Variants in ABCA4 observed in about 807,000 individuals in gnomAD.
The protein encoded by ABCA4 is ATP binding cassette subfamily A member 4.
A neutral mutation model predicts 263.7 loss-of-function variants in ABCA4; 196 were observed. That is an observed-to-expected ratio of 0.74 (90% confidence interval 0.66 to 0.84). The LOEUF is 0.84. Among genes scored for constraint, ABCA4 ranks in the 40% least tolerant of loss-of-function variants. The pLI is 0.00. For synonymous variants in ABCA4, 1,133 were observed against 1,094.2 expected (o/e 1.04, Z -0.70); for missense variants, 2,792 against 2,855.1 (o/e 0.98, Z 0.50).
Position 94,062,689 on chromosome 1 carries a change from C to A in ABCA4, c.1825G>T (p.Ala609Ser). The change falls in exon 13 of 50, where the codon GCC (alanine) becomes TCC (serine). Residue 609 changes from alanine to serine, a missense_variant. Ala to Ser is a moderately conservative substitution (Grantham distance 99). Transcript: ENST00000370225. ...TGTTCAACCATGTCCTGCAGATAGG[C>A]AAACCCGCCCCAGATGTACCGGAAA... ...EDFRYIWGGF[A>S]YLQDMVEQGI... The A allele has an allele frequency of 6.2e-7, 1 of 1,614,170 alleles. No individual in the cohort carries two copies. The highest frequency in any genetic ancestry group is 8.5e-7 in the Non-Finnish European group (1 of 1,180,042).
chr1:94,089,460 T>C (rs1182588736), intron 6 of ABCA4, among the ~76,000 whole-genome samples: 1 of 150,636 alleles, frequency 6.6e-6, no homozygotes, highest in Non-Finnish European at 1.5e-5. Flanking sequence ...ATTAAGTTTC[T>C]TTCTTTTCTA....
chr1:93,998,734 T>TTTATTTTATTTTATTTTATC, intron 47 of ABCA4, among the ~76,000 whole-genome samples: 1 of 119,320 alleles, frequency 8.4e-6, no homozygotes, highest in African/African-American at 4.5e-5. Context: ...TTTATTTTAT[T>TTTATTTTATTTTATTTTATC]TTATTTTATT....
intron 1 of ABCA4, among the ~76,000 whole-genome samples, chr1:94,117,014 C>CTTTCTTTT (rs1332598450): frequency 8.9e-6 from 1 of 111,798 alleles, no homozygotes; most frequent in Non-Finnish European, 1.9e-5. Context: ...TTCTTTCTTT[C>CTTTCTTTT]TTTCTTTCTT....
In ABCA4 at chr1:94,079,460, T is replaced by A. The variant is rs1296959789; in HGVS notation, c.1101A>T (p.Thr367=). The change falls in exon 9 of 50, where the codon ACA becomes ACT. Residue 367 remains threonine, a splice_region_variant and synonymous_variant. Transcript: ENST00000370225. ...DPIYSYDRRT[T]SFCNALIQSL... ...TCTGGATCAATGCATTACAAAAGGA[T>A]GCTGCCAGGAGACAAGGGACAGATT... The A allele has an allele frequency of 6.2e-7, 1 of 1,614,102 alleles. No individual in the cohort carries two copies. The highest frequency in any genetic ancestry group is 1.3e-5 in the African/African-American group (1 of 74,932).
At chr1:94,080,318 T>C (rs551878169) in intron 8 of ABCA4, among the ~76,000 whole-genome samples, 160 bp downstream of exon 8, 13 of 152,308 alleles carry the variant, frequency 8.5e-5, no homozygotes, top group African/African-American at 2.9e-4. Context: ...GCCCCCTTTC[T>C]GCAAGGGGAA....
intron 49 of ABCA4, among the ~76,000 whole-genome samples, chr1:93,994,034 G>A (rs1245170467): frequency 6.6e-6 from 1 of 152,134 alleles, no homozygotes; most frequent in Non-Finnish European, 1.5e-5. Flanking sequence ...GAGGTGGTGC[G>A]AGGATCCCCA....
intron 33 of ABCA4, 64 bp from the exon 34 acceptor site, chr1:94,021,778 A>C: frequency 6.2e-7 from 1 of 1,606,434 alleles, no homozygotes; most frequent in East Asian, 2.2e-5. Context: ...ATCACTCATG[A>C]GAGTTTCTCA....
chr1:94,109,729 C>T (rs1400400245), intron 3 of ABCA4, among the ~76,000 whole-genome samples: 1 of 152,206 alleles, frequency 6.6e-6, no homozygotes, highest in African/African-American at 2.4e-5. Flanking sequence ...GCCTGCCTCT[C>T]CTGAGCCCCG....
chr1:93,998,928 T>G (rs867425247), intron 47 of ABCA4, among the ~76,000 whole-genome samples: 30 of 148,814 alleles, frequency 2.0e-4, no homozygotes, highest in African/African-American at 7.3e-4. Flanking sequence ...TTTTTGTATT[T>G]TTAGTAGAGA....
chr1:94,051,368 G>A (rs1052631101), intron 17 of ABCA4, among the ~76,000 whole-genome samples: 1 of 152,152 alleles, frequency 6.6e-6, no homozygotes, highest in African/African-American at 2.4e-5. Context: ...TTTAAATAGG[G>A]CAATTTAGTC....
chr1:94,012,459 A>C (rs796240389), intron 38 of ABCA4, among the ~76,000 whole-genome samples: 32 of 152,292 alleles, frequency 2.1e-4, no homozygotes, highest in African/African-American at 6.7e-4. Flanking sequence ...CATTCCCATG[A>C]TTAATTTTTT....
At position 94,049,480 on chromosome 1, in the gene ABCA4, C is replaced by T. The variant is rs184784321; in HGVS notation, c.2654-523G>A. On this transcript the variant is annotated intron_variant, in intron 17 of 49. Transcript: ENST00000370225. ...ATCTACTAAAAATACAAAAATTAGC[C>T]GGGTGGGGTGGCGCTCACCTGTAAT... Among the ~76,000 whole-genome samples, 11 of 152,136 alleles carry T rather than the reference C, an allele frequency of 7.2e-5. No homozygotes were observed. In the East Asian group the frequency reaches 1.4e-3, roughly 19 times the overall value.
chr1:94,055,056 G>C, intron 16 of ABCA4, 55 bp downstream of exon 16: 9 of 1,486,426 alleles, frequency 6.1e-6, no homozygotes, highest in Non-Finnish European at 8.5e-6. Context: ...TGAATGGAGA[G>C]GGCTGGGGAT....
intron 49 of ABCA4, 61 bp from the exon 50 acceptor site, chr1:93,993,303 T>A: frequency 4.3e-6 from 7 of 1,611,570 alleles, no homozygotes; most frequent in Non-Finnish European, 5.9e-6. Context: ...TGTACTACTT[T>A]TAGATTTCAA....
Position 94,095,980 on chromosome 1 carries a change from G to A in ABCA4, c.768+2814C>T, listed in dbSNP as rs563450200. 2.7e-3 allele frequency among the ~76,000 whole-genome samples: 414 copies of A among 152,232 alleles called. 2 individuals are homozygous for A. Among genetic ancestry groups the A allele is most frequent in the African/African-American group, 9.6e-3 (399 of 41,524 alleles). Reference sequence around the variant, plus strand: ...TGGGCCATCTCCCGGTCCACTGCAGGCTCTGTCGCTCACCAGCTTTGTTAA... The same window carrying A: ...TGGGCCATCTCCCGGTCCACTGCAGACTCTGTCGCTCACCAGCTTTGTTAA... On this transcript the variant is annotated intron_variant, in intron 6 of 49. Transcript: ENST00000370225.
intron 31 of ABCA4, among the ~76,000 whole-genome samples, 159 bp downstream of exon 31, chr1:94,024,795 A>G (rs577948709): frequency 6.6e-6 from 1 of 152,344 alleles, no homozygotes; most frequent in African/African-American, 2.4e-5. Context: ...ATGTGCCTCA[A>G]TTGCTTTTTA....
intron 14 of ABCA4, 36 bp downstream of exon 14, chr1:94,060,501 A>G: frequency 1.9e-6 from 3 of 1,590,544 alleles, no homozygotes; most frequent in Non-Finnish European, 2.6e-6. Flanking sequence ...GAACCAAAGT[A>G]TTCAAGATTT....
At chr1:94,060,115 CA>C (rs1428200790) in intron 14 of ABCA4, among the ~76,000 whole-genome samples, 1 of 152,218 alleles carries the variant, frequency 6.6e-6, no homozygotes, top group Non-Finnish European at 1.5e-5. Flanking sequence ...ACTGAAAAGG[CA>C]AAAGGCTTTC....
chr1:94,082,066 C>A (rs1253657806), intron 7 of ABCA4, among the ~76,000 whole-genome samples: 1 of 152,120 alleles, frequency 6.6e-6, no homozygotes, highest in Non-Finnish European at 1.5e-5. Context: ...AACACTTGCC[C>A]TCTGAAACTG....
Sources: allele counts gnomAD v4.1 joint callset (sites outside exome capture counted in the v4.1 genomes callset), GRCh38; gene constraint gnomAD v4.1.1; transcripts MANE v1.5; gene names NCBI Gene and HGNC (gene_info 2026-07-23, HGNC 2026-07-21).